FLCN: variants seen among roughly 807,000 people sequenced by gnomAD.
FLCN encodes the protein folliculin.
FLCN carries 22 observed loss-of-function variants against 62.5 expected under a neutral mutation model. The observed-to-expected ratio is 0.35, with a 90% confidence interval of 0.25 to 0.50. The LOEUF is 0.50. Ranked by LOEUF, FLCN falls within the 20% of genes least tolerant of loss-of-function variation. FLCN has a pLI of 0.97. For synonymous variants in FLCN, 319 were observed against 310.0 expected, an observed-to-expected ratio of 1.03 and a Z score of -0.30; for missense variants, 657 against 778.0, an observed-to-expected ratio of 0.84 and a Z score of 1.85.
chr17:17,223,952 G>A lies in FLCN; in HGVS notation c.588C>T (p.Ile196=), dbSNP rs1229433542. ...WPFLLGKVRG[I]IDELQGKALK... Reference sequence around the variant, plus strand: ...GCGCCTTGCCCTGGAGCTCATCGATGATTCCCCGGACCTTCCCCAGCAGGA... The same window carrying A: ...GCGCCTTGCCCTGGAGCTCATCGATAATTCCCCGGACCTTCCCCAGCAGGA... Residue 196 remains isoleucine, a synonymous_variant, in exon 6 of 14, where the codon ATC becomes ATT. Transcript: ENST00000285071. 6.2e-7 allele frequency: 1 copy of A among 1,613,432 alleles called. No individual in the cohort carries two copies. The highest frequency in any genetic ancestry group is 1.1e-5 in the South Asian group (1 of 91,062).
At chr17:17,234,536 C>A (rs1442933976) in intron 1 of FLCN, among the ~76,000 whole-genome samples, 1 of 150,372 alleles carries the variant, frequency 6.7e-6, no homozygotes, top group Non-Finnish European at 1.5e-5. Flanking sequence ...TACTCTTATT[C>A]GTTTTTCCTT....
At chr17:17,235,018 A>G (rs1170753794) in intron 1 of FLCN, among the ~76,000 whole-genome samples, 1 of 149,494 alleles carries the variant, frequency 6.7e-6, no homozygotes, top group Non-Finnish European at 1.5e-5. Flanking sequence ...AGGCCGAGGG[A>G]GGAGAATGGC....
At chr17:17,217,320 G>T in intron 9 of FLCN, 138 bp from the exon 10 acceptor site, 1 of 720,966 alleles carries the variant, frequency 1.4e-6, no homozygotes, top group East Asian at 2.7e-5. Flanking sequence ...ATCTTCTCAG[G>T]GAGGCGGGTG....
At position 17,221,125 on chromosome 17, in the gene FLCN, G is replaced by A. The variant is rs563054251; in HGVS notation, c.871+412C>T. The A allele has an allele frequency of 1.8e-5, 25 of 1,376,554 alleles. No homozygotes were observed. The East Asian group carries it at 6.3e-4, about 35-fold the overall frequency. 85.3% of individuals were successfully genotyped at this position (1,376,554 alleles called of 1,614,324 possible). ...GGAACCTGGGGAAGCCCAGGCACCT[G>A]GGAGGTCAGGGAACCACTGCCCTTC... On this transcript the variant is annotated intron_variant, in intron 8 of 13. Coordinates refer to ENST00000285071, the MANE Select transcript of FLCN (RefSeq NM_144997.7).
intron 1 of FLCN, chr17:17,235,349 G>C (rs969928149): frequency 1.3e-5 from 2 of 151,946 alleles, no homozygotes; most frequent in Non-Finnish European, 2.9e-5. Context: ...TACTCAGGAG[G>C]CTGAGGCAGG....
intron 1 of FLCN, among the ~76,000 whole-genome samples, chr17:17,233,716 CTTTTTTTT>C (rs34208211): frequency 1.1e-4 from 7 of 63,930 alleles, no homozygotes; most frequent in South Asian, 6.2e-4. Flanking sequence ...CCCATCTTTC[CTTTTTTTT>C]TTTTTTTTTT....
At chr17:17,233,211 G>A (rs778078590) in intron 1 of FLCN, among the ~76,000 whole-genome samples, 26 of 152,048 alleles carry the variant, frequency 1.7e-4, no homozygotes, top group Admixed American at 8.5e-4. Context: ...CCAACACTTC[G>A]GGAGGCCAAG....
At chr17:17,223,610 T>C (rs957470775) in intron 6 of FLCN, among the ~76,000 whole-genome samples, 4 of 152,144 alleles carry the variant, frequency 2.6e-5, no homozygotes, top group Non-Finnish European at 5.9e-5. Context: ...TGCAACTCAA[T>C]GGGATTAACA....
chr17:17,234,948 A>G (rs2047536850), intron 1 of FLCN, among the ~76,000 whole-genome samples: 1 of 151,978 alleles, frequency 6.6e-6, no homozygotes, highest in Non-Finnish European at 1.5e-5. Context: ...CGTCTCTACT[A>G]AAAAATACAA....
chr17:17,221,350 G>GA (rs1269615587), intron 8 of FLCN, 187 bp downstream of exon 8: 7 of 1,586,002 alleles, frequency 4.4e-6, no homozygotes, highest in Non-Finnish European at 6.0e-6. Flanking sequence ...CAAGGCAAAC[G>GA]AGACAGGAAA....
intron 7 of FLCN, among the ~76,000 whole-genome samples, 196 bp downstream of exon 7, chr17:17,222,305 G>C (rs2047115273): frequency 6.6e-6 from 1 of 152,150 alleles, no homozygotes; most frequent in African/African-American, 2.4e-5. Flanking sequence ...AGCACACTCA[G>C]GGGAAGAGGC....
intron 9 of FLCN, among the ~76,000 whole-genome samples, chr17:17,218,039 C>A (rs1177697421): frequency 1.3e-5 from 2 of 152,204 alleles, no homozygotes; most frequent in East Asian, 3.8e-4. Context: ...CCAAGGACAT[C>A]TGCCATGAAA....
At chr17:17,228,267 G>C (rs1007168472) in intron 3 of FLCN, 106 bp from the exon 4 acceptor site, 3 of 1,407,088 alleles carry the variant, frequency 2.1e-6, no homozygotes, top group Non-Finnish European at 2.8e-6. Flanking sequence ...TGGACTTCCT[G>C]CCCAGGAGAG....
At chr17:17,236,576 G>A (rs2047587063) in intron 1 of FLCN, among the ~76,000 whole-genome samples, 1 of 152,096 alleles carries the variant, frequency 6.6e-6, no homozygotes, top group Non-Finnish European at 1.5e-5. Context: ...CACCCTCCCT[G>A]GAGGACACGG....
At position 17,216,251 on chromosome 17, in the gene FLCN, T is replaced by TG. The variant is rs1225166932; in HGVS notation, c.1300+128dup. ...GATAGAACACGGAGGCCCAGAGCCA[T>TG]GGGGGAAGCTGGCCCTGCAATGAGG... On this transcript the variant is annotated intron_variant, in intron 11 of 13. Coordinates refer to ENST00000285071, the MANE Select transcript of FLCN (RefSeq NM_144997.7). The surrounding 1 kb of genome is among the most constrained non-coding windows in gnomAD (Gnocchi z 4.0). 2.2e-6 allele frequency: 3 copies of TG among 1,357,740 alleles called. No individual in the cohort carries two copies. Among genetic ancestry groups the TG allele is most frequent in the Non-Finnish European group, 3.0e-6 (3 of 994,348 alleles). The allele number at this position is 1,357,740 out of a possible 1,614,324, so 84.1% of individuals were successfully genotyped here. A position where few individuals can be genotyped will look rare whatever the true frequency, so the allele number is the denominator to read the frequency against.
At chr17:17,222,378 T>C in intron 7 of FLCN, 123 bp downstream of exon 7, 1 of 1,398,258 alleles carries the variant, frequency 7.2e-7, no homozygotes. Flanking sequence ...AGGCCAGTGC[T>C]CCTCACAGAG....
chr17:17,221,082 G>C, intron 8 of FLCN: 1 of 1,160,648 alleles, frequency 8.6e-7, no homozygotes, highest in Non-Finnish European at 1.1e-6. Context: ...CAAACACAGG[G>C]CCCCAAGCCC....
rs929595318 is a variant in FLCN, at chr17:17,212,666, G to T, written c.*989C>A. 1.1e-5 allele frequency: 2 copies of T among 179,264 alleles called. No individual in the cohort carries two copies. Among genetic ancestry groups the T allele is most frequent in the African/African-American group, 4.7e-5 (2 of 42,204 alleles). 11.1% of individuals were successfully genotyped at this position (179,264 alleles called of 1,614,324 possible). A position where few individuals can be genotyped will look rare whatever the true frequency, so the allele number is the denominator to read the frequency against. On this transcript the variant is annotated 3_prime_UTR_variant, in exon 14 of 14. Coordinates refer to ENST00000285071, the MANE Select transcript of FLCN (RefSeq NM_144997.7). The stretch of plus-strand genomic sequence containing the variant: ...CTGGGCATAGTGGCGGGCACCTGTA[G>T]TTCCAGCTACTCTGGAGGCTGAGGC...
chr17:17,222,262 A>C (rs1387598950), intron 7 of FLCN, among the ~76,000 whole-genome samples: 1 of 152,180 alleles, frequency 6.6e-6, no homozygotes, highest in Non-Finnish European at 1.5e-5. Flanking sequence ...ACTTGAACCC[A>C]GGAAGAAGTG....
Sources: allele counts gnomAD v4.1 joint callset (sites outside exome capture counted in the v4.1 genomes callset), GRCh38; gene constraint gnomAD v4.1.1; non-coding constraint Gnocchi (gnomAD v3.1); transcripts MANE v1.5; gene names NCBI Gene and HGNC (gene_info 2026-07-23, HGNC 2026-07-21).